RAB8B: variants seen among roughly 807,000 people sequenced by gnomAD.
The protein encoded by RAB8B is RAB8B, member RAS oncogene family.
A neutral mutation model predicts 32.0 loss-of-function variants in RAB8B; 11 were observed. The ratio of observed to expected loss-of-function variants is 0.34; its 90% CI spans 0.22 to 0.57. The LOEUF is 0.57. Ranked by LOEUF, RAB8B falls within the 20% of genes least tolerant of loss-of-function variation. The pLI is 0.86. For missense variants in RAB8B, 190 were observed against 258.5 expected (o/e 0.73, Z 1.82); for synonymous variants, 103 against 89.6 (o/e 1.15, Z -0.85).
In RAB8B at chr15:63,259,935, A is replaced by G. The variant is rs1395342978; in HGVS notation, c.480+243A>G. 6.6e-6 allele frequency among the ~76,000 whole-genome samples: 1 copy of G among 152,028 alleles called. No homozygotes were observed. The highest frequency in any genetic ancestry group is 1.9e-4 in the East Asian group (1 of 5,184). ...CTGCAACCTCTGCCTCCCAGGTTCA[A>G]GCGATTCTCCTGCCTCAGCCTCCCG... On this transcript the variant is annotated intron_variant, in intron 6 of 7. Transcript: ENST00000321437. This position sits in a 1 kb window ranked among gnomAD's most constrained non-coding sequence, Gnocchi z 4.4.
chr15:63,205,824 C>G (rs1220559724), intron 1 of RAB8B, among the ~76,000 whole-genome samples: 3 of 152,128 alleles, frequency 2.0e-5, no homozygotes, highest in Non-Finnish European at 2.9e-5. Context: ...AAAAAATGTT[C>G]AGATGGTAAG....
chr15:63,191,643 C>G (rs1474631587), intron 1 of RAB8B, among the ~76,000 whole-genome samples: 1 of 152,246 alleles, frequency 6.6e-6, no homozygotes, highest in Non-Finnish European at 1.5e-5. Context: ...TACTGCAGTA[C>G]AGATGGTAAA....
At chr15:63,250,997 C>T (rs1411934333) in intron 3 of RAB8B, among the ~76,000 whole-genome samples, 1 of 151,888 alleles carries the variant, frequency 6.6e-6, no homozygotes, top group East Asian at 1.9e-4. Context: ...ACATGCTGCC[C>T]TTCCTCCTCC....
intron 1 of RAB8B, among the ~76,000 whole-genome samples, chr15:63,227,146 A>G (rs1320666902): frequency 1.3e-5 from 2 of 152,040 alleles, no homozygotes; most frequent in East Asian, 3.9e-4. Context: ...TCATCCTGTG[A>G]CTTAGAATGC....
chr15:63,231,109 A>G (rs1217211993), intron 1 of RAB8B, among the ~76,000 whole-genome samples: 1 of 152,246 alleles, frequency 6.6e-6, no homozygotes, highest in African/African-American at 2.4e-5. Flanking sequence ...CTGGAAAGTA[A>G]AAATATGTAT....
intron 1 of RAB8B, among the ~76,000 whole-genome samples, chr15:63,220,989 A>G (rs769874328): frequency 6.6e-6 from 1 of 152,204 alleles, no homozygotes; most frequent in African/African-American, 2.4e-5. Context: ...ATGCATAATG[A>G]TATGCATTCT....
chr15:63,236,945 A>G (rs2037985774), intron 1 of RAB8B, among the ~76,000 whole-genome samples: 1 of 152,130 alleles, frequency 6.6e-6, no homozygotes, highest in South Asian at 2.1e-4. Context: ...CTCTATCTCC[A>G]TGAATTCAAT....
At chr15:63,204,537 A>G (rs970318365) in intron 1 of RAB8B, among the ~76,000 whole-genome samples, 2 of 152,216 alleles carry the variant, frequency 1.3e-5, no homozygotes, top group Non-Finnish European at 2.9e-5. Flanking sequence ...CCTGAATTTT[A>G]AGTACAGTGA....
At chr15:63,251,412 G>A (rs1255524402) in intron 3 of RAB8B, 2 of 434,856 alleles carry the variant, frequency 4.6e-6, no homozygotes, top group Admixed American at 5.0e-5. Context: ...TGCTAGGAAT[G>A]ATGTGCTGAC....
At position 63,240,896 on chromosome 15, in the gene RAB8B, G is replaced by T. The variant is rs114930752; in HGVS notation, c.125-3860G>T. 5.6e-3 allele frequency among the ~76,000 whole-genome samples: 841 copies of T among 151,454 alleles called. 9 individuals carry two copies. Among genetic ancestry groups the T allele is most frequent in the African/African-American group, 0.02 (812 of 41,256 alleles). On this transcript the variant is annotated intron_variant, in intron 1 of 7. Coordinates refer to ENST00000321437, the MANE Select transcript of RAB8B (RefSeq NM_016530.3). The stretch of plus-strand genomic sequence containing the variant: ...GTGAGGCTTTAAGGAGCCTCAAATT[G>T]GCATTATTGAGTGAAGGTGGTAAAG...
chr15:63,202,930 C>T lies in RAB8B; in HGVS notation c.124+13182C>T, dbSNP rs548356677. 2.4e-4 allele frequency among the ~76,000 whole-genome samples: 36 copies of T among 152,340 alleles called. No homozygotes were observed. In the South Asian group the frequency reaches 7.3e-3, roughly 31 times the overall value. On this transcript the variant is annotated intron_variant, in intron 1 of 7. Coordinates refer to ENST00000321437, the MANE Select transcript of RAB8B (RefSeq NM_016530.3). ...ATATAACGAAGTCCACTTGCTAAAA[C>T]GCATGAGCTTGCCTCATAGGGAAGT... is the stretch of plus-strand genomic sequence containing the variant.
At chr15:63,230,006 G>A in intron 1 of RAB8B, among the ~76,000 whole-genome samples, 1 of 151,868 alleles carries the variant, frequency 6.6e-6, no homozygotes, top group Non-Finnish European at 1.5e-5. Context: ...GTAGTCACTG[G>A]TAGTTTTTCA....
intron 3 of RAB8B, among the ~76,000 whole-genome samples, chr15:63,249,947 T>C (rs1225689376): frequency 6.6e-6 from 1 of 151,288 alleles, no homozygotes; most frequent in Admixed American, 6.6e-5. Context: ...CCATCCTGGC[T>C]AACAAGGTGA....
intron 1 of RAB8B, among the ~76,000 whole-genome samples, chr15:63,241,546 C>T (rs1204692947): frequency 6.6e-6 from 1 of 152,156 alleles, no homozygotes; most frequent in Non-Finnish European, 1.5e-5. Context: ...CACTGTGGTG[C>T]AACTGATCCG....
chr15:63,256,321 G>A (rs2038158568), intron 4 of RAB8B, among the ~76,000 whole-genome samples, 184 bp from the exon 5 acceptor site: 1 of 152,186 alleles, frequency 6.6e-6, no homozygotes, highest in Admixed American at 6.5e-5. Flanking sequence ...CACAGGCTCT[G>A]TGAGGGCTCT....
In RAB8B at chr15:63,249,854, G is replaced by A. The variant is rs374246551; in HGVS notation, c.246+149G>A. Reference sequence around the variant, plus strand: ...ACAAGACATTTAAAAGGTTTTTTGGGGGCCGGGCGCGGTGGCTCACACCTG... The same window carrying A: ...ACAAGACATTTAAAAGGTTTTTTGGAGGCCGGGCGCGGTGGCTCACACCTG... On this transcript the variant is annotated intron_variant, in intron 3 of 7. Coordinates refer to ENST00000321437, the MANE Select transcript of RAB8B (RefSeq NM_016530.3). The A allele has an allele frequency of 4.7e-6, 4 of 852,332 alleles. No homozygotes were observed. In the African/African-American group the frequency reaches 5.2e-5, roughly 11 times the overall value. The allele number at this position is 852,332 out of a possible 1,614,324, so 52.8% of individuals were successfully genotyped here.
intron 1 of RAB8B, among the ~76,000 whole-genome samples, chr15:63,231,331 T>C (rs928144317): frequency 6.6e-6 from 1 of 152,230 alleles, no homozygotes; most frequent in Non-Finnish European, 1.5e-5. Context: ...ATACGATACA[T>C]GGTCAATACT....
chr15:63,204,519 G>A (rs1024975749), intron 1 of RAB8B, among the ~76,000 whole-genome samples: 1 of 152,178 alleles, frequency 6.6e-6, no homozygotes, highest in African/African-American at 2.4e-5. Flanking sequence ...AATACCCTCT[G>A]TTAGGGCCCT....
At chr15:63,201,093 T>C (rs982400496) in intron 1 of RAB8B, among the ~76,000 whole-genome samples, 1 of 152,194 alleles carries the variant, frequency 6.6e-6, no homozygotes, top group African/African-American at 2.4e-5. Flanking sequence ...GGGTACTATA[T>C]TGGTTTGTCA....
Sources: gnomAD v4.1 joint callset for allele counts (sites outside exome capture counted in the v4.1 genomes callset) on GRCh38, gnomAD v4.1.1 for gene constraint, Gnocchi (gnomAD v3.1) non-coding constraint, MANE v1.5 for transcripts, NCBI Gene and HGNC (gene_info 2026-07-23, HGNC 2026-07-21) for gene names.